HDAC4: variants seen among roughly 807,000 people sequenced by gnomAD.
HDAC4 encodes histone deacetylase A.
Under a neutral mutation model 135.1 loss-of-function variants are expected in HDAC4, and 16 were observed. That is an observed-to-expected ratio of 0.12 (90% CI 0.08 to 0.18). HDAC4 has a LOEUF of 0.18. Ranked by LOEUF, HDAC4 falls within the 10% of genes least tolerant of loss-of-function variation. The pLI, the probability that HDAC4 is intolerant of heterozygous loss-of-function variation, is 1.00. For missense variants in HDAC4, 1,143 were observed against 1,511.8 expected, an observed-to-expected ratio of 0.76 and a Z score of 4.05; for synonymous variants, 685 against 653.4, an observed-to-expected ratio of 1.05 and a Z score of -0.74.
In HDAC4 at chr2:239,100,985, G is replaced by A. The variant is rs569486940; in HGVS notation, c.2233+1791C>T. Reference sequence around the variant, plus strand: ...CCCAGAGGCCTTTCCACCAGCTTTGGCCCAGGCCCTTGACTGAGTGCCTCC... The same window carrying A: ...CCCAGAGGCCTTTCCACCAGCTTTGACCCAGGCCCTTGACTGAGTGCCTCC... On this transcript the variant is annotated intron_variant, in intron 16 of 26. Coordinates refer to ENST00000543185, the MANE Select transcript of HDAC4 (RefSeq NM_001378414.1). 2.0e-5 allele frequency among the ~76,000 whole-genome samples: 3 copies of A among 152,222 alleles called. No individual in the cohort carries two copies. The South Asian group carries it at 6.2e-4, about 32-fold the overall frequency.
chr2:239,385,785 G>C (rs956711776), intron 1 of HDAC4, among the ~76,000 whole-genome samples: 2 of 152,200 alleles, frequency 1.3e-5, no homozygotes, highest in African/African-American at 4.8e-5. Flanking sequence ...GCAAGCCACG[G>C]TGAGTGCCGA....
chr2:239,211,235 T>A (rs2153097471), intron 3 of HDAC4, among the ~76,000 whole-genome samples: 1 of 152,334 alleles, frequency 6.6e-6, no homozygotes, highest in East Asian at 1.9e-4. Flanking sequence ...AATATATTAT[T>A]TCTTTCATCC....
chr2:239,203,693 A>T (rs2045891034), intron 3 of HDAC4, among the ~76,000 whole-genome samples: 1 of 152,172 alleles, frequency 6.6e-6, no homozygotes, highest in Non-Finnish European at 1.5e-5. Context: ...CCCATAGTCC[A>T]GTAGGGAAAG....
At chr2:239,199,235 C>T (rs1445145077) in intron 3 of HDAC4, among the ~76,000 whole-genome samples, 2 of 151,960 alleles carry the variant, frequency 1.3e-5, no homozygotes, top group African/African-American at 4.8e-5. Flanking sequence ...GGGTGCTCAC[C>T]GAGAGGCCTG....
At chr2:239,158,713 C>G (rs996755058) in intron 6 of HDAC4, among the ~76,000 whole-genome samples, 5 of 152,020 alleles carry the variant, frequency 3.3e-5, no homozygotes, top group Admixed American at 3.3e-4. Flanking sequence ...ATGCAGAGCC[C>G]GCCCCACCGC....
intron 2 of HDAC4, among the ~76,000 whole-genome samples, chr2:239,348,620 T>G (rs932859374): frequency 6.6e-6 from 1 of 152,234 alleles, no homozygotes; most frequent in East Asian, 1.9e-4. Flanking sequence ...CCCGGTTTCA[T>G]GCCAGGGACT....
Position 239,139,845 on chromosome 2 carries a change from G to C in HDAC4, c.866-49C>G, listed in dbSNP as rs1036881731. ...TGAGTGTTACTCCATGCGGAGGGAG[G>C]GCCGTGCTGACCTGTGGCCCGAATG... On this transcript the variant is annotated intron_variant, in intron 8 of 26. Coordinates refer to ENST00000543185, the MANE Select transcript of HDAC4 (RefSeq NM_001378414.1). This position sits in a 1 kb window ranked among gnomAD's most constrained non-coding sequence, Gnocchi z 5.3. 6 of 1,536,032 alleles carry C rather than the reference G, an allele frequency of 3.9e-6. No homozygotes were observed. The African/African-American group carries it at 8.2e-5, about 21-fold the overall frequency.
At position 239,139,703 on chromosome 2, in the gene HDAC4, A is replaced by G. The variant is rs144813118; in HGVS notation, c.959T>C (p.Val320Ala). The change falls in exon 9 of 27, where the codon GTC becomes GCC. Residue 320 changes from valine to alanine, a missense_variant. By Grantham distance (64) the Val-to-Ala change is moderately conservative (BLOSUM62 0). This residue lies in a region of HDAC4 where 272 missense variants were observed against 309.7 expected (regional missense o/e 0.88). Coordinates refer to ENST00000543185, the MANE Select transcript of HDAC4 (RefSeq NM_001378414.1). This position sits in a 1 kb window ranked among gnomAD's most constrained non-coding sequence, Gnocchi z 5.3. The part of the protein sequence containing the change: ...VSAENGIAPA[V>A]PSIPAETSLA... ...ACTGACCTCCGCCGGGATGCTGGGG[A>G]CGGCGGGCGCGATACCGTTCTCCGC... 642 of 1,613,958 alleles carry G rather than the reference A, an allele frequency of 4.0e-4. 3 individuals carry two copies. The African/African-American group carries it at 5.8e-3, about 15-fold the overall frequency.
At chr2:239,270,499 AG>A (rs2050000387) in intron 2 of HDAC4, among the ~76,000 whole-genome samples, 1 of 152,214 alleles carries the variant, frequency 6.6e-6, no homozygotes, top group Non-Finnish European at 1.5e-5. Flanking sequence ...AGAGAAAAAG[AG>A]GCCTTTAAAA....
At chr2:239,399,910 T>C (rs908555629) in intron 1 of HDAC4, among the ~76,000 whole-genome samples, 1 of 152,226 alleles carries the variant, frequency 6.6e-6, no homozygotes, top group Admixed American at 6.5e-5. Context: ...CAACATGCAA[T>C]AAAGAAAACA....
At position 239,298,651 on chromosome 2, in the gene HDAC4, A is replaced by AGACTGT. The variant is rs142936468; in HGVS notation, c.22+54021_22+54026dup. ...GCCTGCCACTCTTTACAGAGCCGTG[A>AGACTGT]GACTGTGGCTAAATCATTTATCCAG... On this transcript the variant is annotated intron_variant, in intron 2 of 26. Coordinates refer to ENST00000543185, the MANE Select transcript of HDAC4 (RefSeq NM_001378414.1). 7.8e-4 allele frequency: 769 copies of AGACTGT among 985,158 alleles called. 9 individuals are homozygous for AGACTGT. In the East Asian group the frequency reaches 0.05, roughly 65 times the overall value. The allele number at this position is 985,158 out of a possible 1,614,324, so 61.0% of individuals were successfully genotyped here.
At chr2:239,226,836 G>A (rs3791616) in intron 3 of HDAC4, among the ~76,000 whole-genome samples, 18,387 of 152,228 alleles carry the variant, frequency 0.12, 1,582 homozygotes, top group East Asian at 0.37. Flanking sequence ...GGCCGCGTGG[G>A]GAGGCACGGT....
At chr2:239,147,812 C>G (rs1487208652) in intron 7 of HDAC4, among the ~76,000 whole-genome samples, 2 of 152,254 alleles carry the variant, frequency 1.3e-5, no homozygotes, top group Non-Finnish European at 2.9e-5. Context: ...TAAGGCGATA[C>G]AACATTCCAA....
At chr2:239,317,080 C>A (rs765419425) in intron 2 of HDAC4, among the ~76,000 whole-genome samples, 1 of 152,172 alleles carries the variant, frequency 6.6e-6, no homozygotes, top group South Asian at 2.1e-4. Flanking sequence ...CTGGACCATA[C>A]GCCTTCAGCG....
intron 1 of HDAC4, among the ~76,000 whole-genome samples, chr2:239,398,226 G>A (rs933205379): frequency 6.6e-6 from 1 of 152,236 alleles, no homozygotes; most frequent in Non-Finnish European, 1.5e-5. Context: ...CAGCTTCTGA[G>A]CTATGAAAGC....
intron 2 of HDAC4, among the ~76,000 whole-genome samples, chr2:239,328,352 A>G (rs1415682333): frequency 6.6e-6 from 1 of 152,208 alleles, no homozygotes; most frequent in African/African-American, 2.4e-5. Context: ...GACGATCTCA[A>G]ACGCTGCTGA....
At chr2:239,159,051 A>G (rs2042607177) in intron 6 of HDAC4, among the ~76,000 whole-genome samples, 1 of 145,916 alleles carries the variant, frequency 6.9e-6, no homozygotes, top group African/African-American at 2.6e-5. Context: ...CACCTCACCC[A>G]TACCTATATC....
rs1233977181 is a variant in HDAC4 at position 239,120,458 on chromosome 2, T to C, written c.1534-5148A>G. Among the ~76,000 whole-genome samples the C allele has an allele frequency of 7.3e-5, 11 of 150,654 alleles. No individual in the cohort carries two copies. The South Asian group carries it at 2.3e-3, about 32-fold the overall frequency. On this transcript the variant is annotated intron_variant, in intron 12 of 26. Transcript: ENST00000543185. Reference sequence around the variant, plus strand: ...AAATAGACAGACATGCAGATACATATACACATGAAGAGACAGATACACAGA... The same window carrying C: ...AAATAGACAGACATGCAGATACATACACACATGAAGAGACAGATACACAGA...
intron 2 of HDAC4, among the ~76,000 whole-genome samples, chr2:239,267,104 C>T (rs184553647): frequency 1.1e-4 from 17 of 152,300 alleles, no homozygotes; most frequent in African/African-American, 4.1e-4. Flanking sequence ...GGGGGTGCCG[C>T]TTGACCACCT....
Sources: allele counts gnomAD v4.1 joint callset (sites outside exome capture counted in the v4.1 genomes callset), GRCh38; gene constraint gnomAD v4.1.1; regional missense constraint gnomAD v4.1.1; non-coding constraint Gnocchi (gnomAD v3.1); transcripts MANE v1.5; gene names NCBI Gene and HGNC (gene_info 2026-07-23, HGNC 2026-07-21).